TAF8: variants seen among roughly 807,000 people sequenced by gnomAD.
The protein encoded by TAF8 is transcription initiation factor TFIID subunit 8.
TAF8 carries 47 observed loss-of-function variants against 36.5 expected under a neutral mutation model. The observed-to-expected ratio is 1.29, with a 90% CI of 1.02 to 1.64. The LOEUF is 1.64. TAF8 is among the 40% of genes most tolerant of loss of function. The pLI, the probability that TAF8 is intolerant of heterozygous loss-of-function variation, is 0.00. For missense variants in TAF8, 420 were observed against 407.6 expected (o/e 1.03, Z -0.26); for synonymous variants, 175 against 159.5 (o/e 1.10, Z -0.73).
At chr6:42,056,857 C>T (rs1307368048) in intron 4 of TAF8, among the ~76,000 whole-genome samples, 5 of 152,192 alleles carry the variant, frequency 3.3e-5, no homozygotes, top group Non-Finnish European at 7.3e-5. Flanking sequence ...CCGCCTGCCT[C>T]GGCCTCTCAG....
In TAF8 at chr6:42,078,778, G is replaced by T. The variant is rs556781697; in HGVS notation, c.*1233G>T. 31 of 985,330 alleles carry T rather than the reference G, an allele frequency of 3.1e-5. No homozygotes were observed. Among genetic ancestry groups the T allele is most frequent in the Non-Finnish European group, 3.6e-5 (30 of 829,964 alleles). The allele number at this position is 985,330 out of a possible 1,614,324, so 61.0% of individuals were successfully genotyped here. A position where few individuals can be genotyped will look rare whatever the true frequency, so the allele number is the denominator to read the frequency against. ...GTTTTCTCTGACAAGAGCCTAGAGCGTCGGCTCTATTATGCTGGGACTTGA... is the reference window on the plus strand; with the variant it reads ...GTTTTCTCTGACAAGAGCCTAGAGCTTCGGCTCTATTATGCTGGGACTTGA... On this transcript the variant is annotated 3_prime_UTR_variant, in exon 9 of 9. Coordinates refer to ENST00000372977, the MANE Select transcript of TAF8 (RefSeq NM_138572.3).
intron 6 of TAF8, among the ~76,000 whole-genome samples, chr6:42,067,877 A>T (rs981602716): frequency 6.6e-6 from 1 of 152,130 alleles, no homozygotes; most frequent in African/African-American, 2.4e-5. Flanking sequence ...CTTTCTTTTA[A>T]TGTTATTTTT....
intron 7 of TAF8, among the ~76,000 whole-genome samples, chr6:42,075,248 C>T (rs1025497469): frequency 4.6e-5 from 7 of 152,116 alleles, no homozygotes; most frequent in Non-Finnish European, 5.9e-5. Context: ...ACCTTTTTTC[C>T]GGCACCTGGT....
At position 42,077,222 on chromosome 6, in the gene TAF8, C is replaced by T. The variant is rs1765780898; in HGVS notation, c.903C>T (p.Pro301=). The change falls in exon 8 of 9, where the codon CCC becomes CCT. Residue 301 remains proline, a synonymous_variant. Coordinates refer to ENST00000372977, the MANE Select transcript of TAF8 (RefSeq NM_138572.3). ...DNPYLRPVKK[P]KIRRKKSLS The stretch of plus-strand genomic sequence containing the variant: ...CTTATCTGCGGCCGGTGAAGAAGCC[C>T]AAGATCCGCAGGAAGAAGTGAGTTG... 6.2e-7 allele frequency: 1 copy of T among 1,613,416 alleles called. No individual in the cohort carries two copies. Among genetic ancestry groups the T allele is most frequent in the Non-Finnish European group, 8.5e-7 (1 of 1,179,502 alleles).
chr6:42,059,438 G>T (rs1765117866), intron 5 of TAF8, among the ~76,000 whole-genome samples: 1 of 151,724 alleles, frequency 6.6e-6, no homozygotes, highest in African/African-American at 2.4e-5. Flanking sequence ...CTTGCACTGA[G>T]TCAGTTCCTG....
rs1238031038 is a variant in TAF8, at chr6:42,057,564, T to G, written c.489+51T>G. 4.4e-6 allele frequency: 7 copies of G among 1,601,120 alleles called. No homozygotes were observed. In the African/African-American group the frequency reaches 8.1e-5, roughly 18 times the overall value. On this transcript the variant is annotated intron_variant, in intron 5 of 8. Coordinates refer to ENST00000372977, the MANE Select transcript of TAF8 (RefSeq NM_138572.3). ...GCGTGGTGTAAAGCACGGAGTCAGT[T>G]CCTACTGACTGTCACGTGGCAGAGT...
At chr6:42,077,344 C>T in intron 8 of TAF8, 105 bp downstream of exon 8, 5 of 1,505,784 alleles carry the variant, frequency 3.3e-6, no homozygotes, top group Non-Finnish European at 4.5e-6. Flanking sequence ...TGGGGAAAGC[C>T]ACTCTGGTGA....
At chr6:42,077,058 T>C (rs1765770762) in intron 7 of TAF8, 42 bp from the exon 8 acceptor site, 1 of 1,584,574 alleles carries the variant, frequency 6.3e-7, no homozygotes, top group African/African-American at 1.3e-5. Flanking sequence ...TCTCTTTCCT[T>C]ATGCTGTTGA....
At chr6:42,076,644 C>CT (rs1293832854) in intron 7 of TAF8, among the ~76,000 whole-genome samples, 1 of 152,172 alleles carries the variant, frequency 6.6e-6, no homozygotes, top group Non-Finnish European at 1.5e-5. Flanking sequence ...AGGGAGAAAT[C>CT]TGTTCTGACT....
At chr6:42,083,358 C>G (rs1427821297), downstream of TAF8, 2 of 152,150 alleles carry the variant, frequency 1.3e-5, no homozygotes, top group African/African-American at 4.8e-5. Flanking sequence ...GCCCTCTGTT[C>G]TTTCAAGCAT....
chr6:42,069,499 A>G (rs765396569), intron 7 of TAF8, among the ~76,000 whole-genome samples: 1 of 152,160 alleles, frequency 6.6e-6, no homozygotes, highest in African/African-American at 2.4e-5. Flanking sequence ...GTTAAAGAAA[A>G]CGGTAAGGTT....
At chr6:42,054,514 C>G (rs886626156) in intron 2 of TAF8, among the ~76,000 whole-genome samples, 1 of 152,216 alleles carries the variant, frequency 6.6e-6, no homozygotes, top group African/African-American at 2.4e-5. Flanking sequence ...CTGGTAACTT[C>G]TAATCTACTT....
intron 6 of TAF8, 41 bp from the exon 7 acceptor site, chr6:42,068,424 C>A: frequency 1.2e-6 from 2 of 1,612,300 alleles, no homozygotes; most frequent in South Asian, 1.1e-5. Flanking sequence ...GCTGCGAGGT[C>A]TCTGTGACAG....
In TAF8 at chr6:42,078,073, T is replaced by C. The variant is rs541840833; in HGVS notation, c.*528T>C. The C allele has an allele frequency of 6.1e-6, 2 of 326,208 alleles. No individual in the cohort carries two copies. The highest frequency in any genetic ancestry group is 3.4e-4 in the East Asian group (2 of 5,924). The allele number at this position is 326,208 out of a possible 1,614,324, so 20.2% of individuals were successfully genotyped here. ...GCCCAGCTAATTTTTGTATTTTTAA[T>C]AGAGATAAGGTTTCGCCATGTTGGC... is the stretch of plus-strand genomic sequence containing the variant. On this transcript the variant is annotated 3_prime_UTR_variant, in exon 9 of 9. Coordinates refer to ENST00000372977, the MANE Select transcript of TAF8 (RefSeq NM_138572.3).
At chr6:42,050,666 A>T in intron 1 of TAF8, 80 bp downstream of exon 1, 1 of 1,432,178 alleles carries the variant, frequency 7.0e-7, no homozygotes, top group East Asian at 2.7e-5. Context: ...CAACAAGATA[A>T]TGCCCAGAAA....
At position 42,068,385 on chromosome 6, in the gene TAF8, T is replaced by C. The variant is rs186946957; in HGVS notation, c.638-80T>C. ...TTATCTTCTGGTGCTGCTCACTGAT[T>C]TGTTGTGAGGCTCTAGGACTCTAAG... On this transcript the variant is annotated intron_variant, in intron 6 of 8. Transcript: ENST00000372977. 4.0e-6 allele frequency: 6 copies of C among 1,517,472 alleles called. No homozygotes were observed. In the African/African-American group the frequency reaches 5.5e-5, roughly 14 times the overall value. The allele number at this position is 1,517,472 out of a possible 1,614,324, so 94.0% of individuals were successfully genotyped here.
Position 42,051,499 on chromosome 6 carries a change from A to C in TAF8, c.188A>C (p.Glu63Ala). 6.2e-7 allele frequency: 1 copy of C among 1,613,988 alleles called. No homozygotes were observed. The highest frequency in any genetic ancestry group is 8.5e-7 in the Non-Finnish European group (1 of 1,179,964). The change falls in exon 2 of 9, where the codon GAG (glutamate) becomes GCG (alanine). Residue 63 changes from glutamate (E) to alanine (A), a missense_variant. Glu to Ala is a moderately radical substitution (Grantham distance 107). Coordinates refer to ENST00000372977, the MANE Select transcript of TAF8 (RefSeq NM_138572.3). ...AAAGCATCCGTGGAAACGCTGACAG[A>C]GATGCTGCAGAGCTGTGAGTACATG... is the stretch of plus-strand genomic sequence containing the variant. ...AEKASVETLT[E>A]MLQSYISEIG... is the part of the protein sequence containing the mutation.
downstream of TAF8, among the ~76,000 whole-genome samples, chr6:42,084,760 G>T (rs1177007556): frequency 1.3e-5 from 2 of 152,172 alleles, no homozygotes; most frequent in Non-Finnish European, 2.9e-5. Context: ...ACTGCACCTG[G>T]CCTCATTTAT....
chr6:42,055,851 A>G lies in TAF8; in HGVS notation c.302-101A>G, dbSNP rs1764965481. 6 of 883,720 alleles carry G rather than the reference A, an allele frequency of 6.8e-6. No individual in the cohort carries two copies. The Admixed American group carries it at 1.2e-4, about 17-fold the overall frequency. The allele number at this position is 883,720 out of a possible 1,614,324, so 54.7% of individuals were successfully genotyped here. Reference sequence around the variant, plus strand: ...GCTTCTTTTGCGTGGCTGCAAGGTCATTGAGTTGAGAGTTTAAGCCATTTG... The same window carrying G: ...GCTTCTTTTGCGTGGCTGCAAGGTCGTTGAGTTGAGAGTTTAAGCCATTTG... On this transcript the variant is annotated intron_variant, in intron 3 of 8. Transcript: ENST00000372977.
Sources: allele counts gnomAD v4.1 joint callset (sites outside exome capture counted in the v4.1 genomes callset), GRCh38; gene constraint gnomAD v4.1.1; transcripts MANE v1.5; gene names NCBI Gene and HGNC (gene_info 2026-07-23, HGNC 2026-07-21).